The following SCFD2 variants were observed in gnomAD, a reference collection of about 807,000 sequenced individuals.
SCFD2 encodes the protein sec1 family domain containing 2, also known as sec1 family domain-containing protein 2.
A neutral mutation model predicts 58.9 loss-of-function variants in SCFD2; 54 were observed. That is an observed-to-expected ratio of 0.92 (90% confidence interval 0.74 to 1.15). The LOEUF is 1.15. SCFD2 is among the 50% of genes most tolerant of loss of function. The pLI is 0.00. For missense variants in SCFD2, 805 were observed against 836.6 expected, an observed-to-expected ratio of 0.96 and a Z score of 0.47; for synonymous variants, 321 against 335.9, an observed-to-expected ratio of 0.96 and a Z score of 0.49.
intron 8 of SCFD2, among the ~76,000 whole-genome samples, chr4:52,881,482 A>G (rs561653344): frequency 6.6e-6 from 1 of 152,334 alleles, no homozygotes; most frequent in Admixed American, 6.5e-5. Context: ...TAAAAGTAGG[A>G]ATGTCTCTAG....
intron 5 of SCFD2, among the ~76,000 whole-genome samples, chr4:53,016,980 C>T (rs1258252911): frequency 6.6e-6 from 1 of 152,114 alleles, no homozygotes; most frequent in African/African-American, 2.4e-5. Flanking sequence ...TGGTGGTGCA[C>T]ACCTATAATC....
intron 3 of SCFD2, among the ~76,000 whole-genome samples, chr4:53,288,380 G>T (rs1282485424): frequency 6.6e-6 from 1 of 151,948 alleles, no homozygotes; most frequent in Non-Finnish European, 1.5e-5. Context: ...GGAAAGATAG[G>T]GACATCTAGG....
chr4:53,328,144 CA>C (rs66657838), intron 2 of SCFD2, among the ~76,000 whole-genome samples: 103,786 of 149,224 alleles, frequency 0.7, 36,053 homozygotes, highest in Middle Eastern at 0.79. Flanking sequence ...CAAAAAAAAA[CA>C]AAAAAAAAAC....
At chr4:52,954,263 T>C (rs75295144) in intron 5 of SCFD2, among the ~76,000 whole-genome samples, 5,138 of 152,216 alleles carry the variant, frequency 0.034, 109 homozygotes, top group Admixed American at 0.061. Flanking sequence ...CCGGGCTTGA[T>C]GGGTGGGAAG....
intron 5 of SCFD2, among the ~76,000 whole-genome samples, chr4:53,093,302 A>G (rs1474808330): frequency 6.6e-6 from 1 of 152,138 alleles, no homozygotes; most frequent in African/African-American, 2.4e-5. Flanking sequence ...TATATTTTTA[A>G]AAAAGGATCA....
At chr4:53,268,952 C>T (rs1731076460) in intron 4 of SCFD2, among the ~76,000 whole-genome samples, 1 of 152,016 alleles carries the variant, frequency 6.6e-6, no homozygotes, top group Admixed American at 6.6e-5. Flanking sequence ...AGACAAGTTC[C>T]TCACTGTCAG....
intron 3 of SCFD2, among the ~76,000 whole-genome samples, chr4:53,291,084 C>G (rs1010574851): frequency 6.6e-6 from 1 of 151,980 alleles, no homozygotes; most frequent in South Asian, 2.1e-4. Context: ...GAATACTTCC[C>G]AACATATTTT....
chr4:53,332,084 C>G (rs529270003), intron 2 of SCFD2, among the ~76,000 whole-genome samples: 1 of 152,152 alleles, frequency 6.6e-6, no homozygotes, highest in Admixed American at 6.5e-5. Context: ...ATAACCGGAG[C>G]TGAAATTGTG....
At chr4:53,126,685 G>T (rs147067739) in intron 5 of SCFD2, among the ~76,000 whole-genome samples, 31 of 152,212 alleles carry the variant, frequency 2.0e-4, no homozygotes, top group Non-Finnish European at 3.7e-4. Flanking sequence ...TACCTTGCAG[G>T]TCCCTCACAC....
chr4:52,986,251 A>C (rs1013973902), intron 5 of SCFD2, among the ~76,000 whole-genome samples: 1 of 151,706 alleles, frequency 6.6e-6, no homozygotes, highest in Non-Finnish European at 1.5e-5. Flanking sequence ...ATAGTCATCG[A>C]GTATATGTAA....
intron 3 of SCFD2, among the ~76,000 whole-genome samples, chr4:53,287,332 A>G (rs1731700870): frequency 1.3e-5 from 2 of 152,148 alleles, no homozygotes; most frequent in Admixed American, 6.5e-5. Flanking sequence ...TGGCACCAAG[A>G]AGGATACGCT....
chr4:52,911,292 G>A (rs1431559545), intron 6 of SCFD2, among the ~76,000 whole-genome samples: 1 of 151,952 alleles, frequency 6.6e-6, no homozygotes. Flanking sequence ...GGAGGGATTG[G>A]GGTAAGTAGG....
intron 4 of SCFD2, among the ~76,000 whole-genome samples, chr4:53,213,084 C>T (rs770479204): frequency 1.3e-5 from 2 of 151,994 alleles, no homozygotes; most frequent in African/African-American, 2.4e-5. Flanking sequence ...CTGGTACACA[C>T]AAACAATTTC....
At chr4:53,146,178 C>T (rs1472548536) in intron 4 of SCFD2, among the ~76,000 whole-genome samples, 1 of 152,004 alleles carries the variant, frequency 6.6e-6, no homozygotes, top group Non-Finnish European at 1.5e-5. Flanking sequence ...GTAGATAACT[C>T]GCATTAAATT....
At chr4:52,879,434 C>T (rs1414385954) in intron 8 of SCFD2, among the ~76,000 whole-genome samples, 3 of 152,310 alleles carry the variant, frequency 2.0e-5, no homozygotes, top group Non-Finnish European at 1.5e-5. Flanking sequence ...CATGTGTTGC[C>T]AACTGCAGGC....
chr4:53,062,325 T>G (rs956514532), intron 5 of SCFD2, among the ~76,000 whole-genome samples: 2 of 151,758 alleles, frequency 1.3e-5, no homozygotes, highest in African/African-American at 4.8e-5. Flanking sequence ...TGAGCTGAGA[T>G]CGTGCCACTG....
intron 5 of SCFD2, among the ~76,000 whole-genome samples, chr4:52,942,424 A>G (rs1489150055): frequency 6.6e-6 from 1 of 152,164 alleles, no homozygotes; most frequent in Non-Finnish European, 1.5e-5. Flanking sequence ...TCTTAGCTGG[A>G]AGTGCTAACT....
chr4:53,298,241 C>A lies in SCFD2; in HGVS notation c.1135+15395G>T, dbSNP rs575778536. On this transcript the variant is annotated intron_variant, in intron 3 of 8. Coordinates refer to ENST00000401642, the MANE Select transcript of SCFD2 (RefSeq NM_152540.4). ...CGGCACCTGGAAAATCAGGTCACTC[C>A]CACCCTAATACTGTGCTTTTCCAAT... 2.0e-5 allele frequency among the ~76,000 whole-genome samples: 3 copies of A among 152,236 alleles called. No homozygotes were observed. In the South Asian group the frequency reaches 6.2e-4, roughly 32 times the overall value.
chr4:53,253,525 G>C (rs1730477733), intron 4 of SCFD2, among the ~76,000 whole-genome samples: 1 of 152,044 alleles, frequency 6.6e-6, no homozygotes, highest in Admixed American at 6.6e-5. Context: ...TTAAGAAAAT[G>C]TGGCACATAT....
Sources: allele counts gnomAD v4.1 joint callset (sites outside exome capture counted in the v4.1 genomes callset), GRCh38; gene constraint gnomAD v4.1.1; transcripts MANE v1.5; gene names NCBI Gene and HGNC (gene_info 2026-07-23, HGNC 2026-07-21).